The following SAMD3 variants were observed in gnomAD, a reference collection of about 807,000 sequenced individuals.
SAMD3 encodes the protein sterile alpha motif domain-containing protein 3.
In SAMD3, 63 loss-of-function variants were observed where a neutral mutation model predicts 58.5. The observed-to-expected ratio is 1.08, with a 90% confidence interval of 0.88 to 1.33. The LOEUF is 1.33. SAMD3 is among the 40% of genes most tolerant of loss of function. The probability of loss-of-function intolerance (pLI) is 0.00; values close to 1 mark genes in which losing one functional copy is unlikely to be tolerated. For synonymous variants in SAMD3, 220 were observed against 210.3 expected, an observed-to-expected ratio of 1.05 and a Z score of -0.40; for missense variants, 604 against 608.4, an observed-to-expected ratio of 0.99 and a Z score of 0.08.
chr6:130,229,840 G>T (rs1220620568), intron 2 of SAMD3, among the ~76,000 whole-genome samples: 1 of 152,144 alleles, frequency 6.6e-6, no homozygotes, highest in Non-Finnish European at 1.5e-5. Flanking sequence ...GAGCTAGGAG[G>T]GGAAGGAAGC....
chr6:130,359,055 TA>T (rs1398023078), intron 1 of SAMD3, among the ~76,000 whole-genome samples: 1 of 152,184 alleles, frequency 6.6e-6, no homozygotes, highest in Non-Finnish European at 1.5e-5. Flanking sequence ...ATAAACTACT[TA>T]ATCTCCCTTA....
chr6:130,327,846 A>T (rs1323484197), intron 1 of SAMD3, among the ~76,000 whole-genome samples: 2 of 152,246 alleles, frequency 1.3e-5, no homozygotes, highest in African/African-American at 2.4e-5. Flanking sequence ...GACTGATGAA[A>T]CCTATACGTG....
At chr6:130,166,257 T>C (rs1790728781) in intron 8 of SAMD3, among the ~76,000 whole-genome samples, 1 of 152,166 alleles carries the variant, frequency 6.6e-6, no homozygotes, top group Non-Finnish European at 1.5e-5. Context: ...CACAGAATCT[T>C]CTCCACTGAG....
chr6:130,252,710 T>C (rs2114911432), intron 2 of SAMD3, among the ~76,000 whole-genome samples: 1 of 152,326 alleles, frequency 6.6e-6, no homozygotes, highest in East Asian at 1.9e-4. Flanking sequence ...GGATTTGGGT[T>C]GGAATTCCTT....
chr6:130,363,563 T>C (rs1246448613), intron 1 of SAMD3, among the ~76,000 whole-genome samples: 1 of 152,220 alleles, frequency 6.6e-6, no homozygotes, highest in Non-Finnish European at 1.5e-5. Context: ...CACATATGTA[T>C]TGAGGATCTG....
At chr6:130,175,613 A>T (rs964630023) in intron 8 of SAMD3, 1 of 357,436 alleles carries the variant, frequency 2.8e-6, no homozygotes, top group Admixed American at 4.3e-5. Flanking sequence ...AAGGTTGTGA[A>T]AAAAACTGGA....
chr6:130,211,499 G>C (rs551864129), intron 4 of SAMD3, among the ~76,000 whole-genome samples: 13 of 151,876 alleles, frequency 8.6e-5, no homozygotes, highest in Admixed American at 1.3e-4. Context: ...GGTCAGGCTG[G>C]TCTCAAACTC....
At chr6:130,269,403 A>G (rs933892770) in intron 2 of SAMD3, among the ~76,000 whole-genome samples, 1 of 152,106 alleles carries the variant, frequency 6.6e-6, no homozygotes, top group African/African-American at 2.4e-5. Flanking sequence ...TGGTTATGGG[A>G]CTACTCAGAT....
chr6:130,328,442 T>G (rs1035010079), intron 1 of SAMD3, among the ~76,000 whole-genome samples: 4 of 152,220 alleles, frequency 2.6e-5, no homozygotes, highest in Admixed American at 2.6e-4. Flanking sequence ...ACCACTTATG[T>G]GCCATCAATG....
chr6:130,357,853 C>A (rs982347820), intron 1 of SAMD3, among the ~76,000 whole-genome samples: 1 of 152,156 alleles, frequency 6.6e-6, no homozygotes, highest in Non-Finnish European at 1.5e-5. Context: ...TGTGAAAGCA[C>A]GGTCATCATG....
chr6:130,163,146 A>G (rs2114620655), intron 8 of SAMD3, among the ~76,000 whole-genome samples: 1 of 150,692 alleles, frequency 6.6e-6, no homozygotes, highest in East Asian at 1.9e-4. Flanking sequence ...ACTATTTAGT[A>G]TGCAAAAAAA....
intron 2 of SAMD3, among the ~76,000 whole-genome samples, chr6:130,254,536 C>T (rs902207126): frequency 2.6e-5 from 4 of 151,898 alleles, no homozygotes; most frequent in Non-Finnish European, 4.4e-5. Context: ...GCCATGTTGC[C>T]CAGGCTGGTC....
At chr6:130,347,139 G>C (rs546116311) in intron 1 of SAMD3, among the ~76,000 whole-genome samples, 2 of 152,270 alleles carry the variant, frequency 1.3e-5, no homozygotes, top group African/African-American at 4.8e-5. Context: ...AAAAAACAGA[G>C]CAGAAAAACT....
chr6:130,336,070 T>G (rs972766782), intron 1 of SAMD3, among the ~76,000 whole-genome samples: 1 of 152,150 alleles, frequency 6.6e-6, no homozygotes, highest in African/African-American at 2.4e-5. Flanking sequence ...AGCTAAATGA[T>G]GAGTTAATGG....
upstream of SAMD3, among the ~76,000 whole-genome samples, chr6:130,225,127 G>T (rs186782383): frequency 2.6e-5 from 4 of 151,428 alleles, no homozygotes; most frequent in Middle Eastern, 3.4e-3. Flanking sequence ...AGAGGAAAAG[G>T]TTATGTGAAT....
chr6:130,289,922 G>T (rs565927208), intron 2 of SAMD3, among the ~76,000 whole-genome samples: 2 of 152,144 alleles, frequency 1.3e-5, no homozygotes, highest in Non-Finnish European at 2.9e-5. Flanking sequence ...GGCAGATCTC[G>T]TAATCTTGGA....
intron 2 of SAMD3, among the ~76,000 whole-genome samples, chr6:130,288,613 C>A (rs1775252540): frequency 6.6e-6 from 1 of 152,162 alleles, no homozygotes. Context: ...GGGTCACCTC[C>A]ACCAATGTAA....
At chr6:130,355,560 G>C (rs1777802966) in intron 1 of SAMD3, among the ~76,000 whole-genome samples, 1 of 152,206 alleles carries the variant, frequency 6.6e-6, no homozygotes, top group Non-Finnish European at 1.5e-5. Context: ...AGACTGAAAA[G>C]ACATAACATC....
intron 2 of SAMD3, chr6:130,215,802 G>A: frequency 6.5e-7 from 1 of 1,534,446 alleles, no homozygotes; most frequent in East Asian, 2.4e-5. Context: ...TTAACCCCTT[G>A]CTTCTCCTGG....
Sources: gnomAD v4.1 joint callset for allele counts (sites outside exome capture counted in the v4.1 genomes callset) on GRCh38, gnomAD v4.1.1 for gene constraint, MANE v1.5 for transcripts, NCBI Gene and HGNC (gene_info 2026-07-23, HGNC 2026-07-21) for gene names.